The following XKR9 variants were observed in gnomAD, a reference collection of about 807,000 sequenced individuals.
The protein encoded by XKR9 is XK-related protein 9.
Under a neutral mutation model 32.0 loss-of-function variants are expected in XKR9, and 32 were observed. The ratio of observed to expected loss-of-function variants is 1.00; its 90% CI spans 0.76 to 1.34. The LOEUF is 1.34. XKR9 is among the 40% of genes most tolerant of loss of function. XKR9 has a pLI of 0.00. For synonymous variants in XKR9, 168 were observed against 143.4 expected (o/e 1.17, Z -1.22); for missense variants, 546 against 429.7 (o/e 1.27, Z -2.39).
At chr8:70,798,268 A>G in the XKR9 span, among the ~76,000 whole-genome samples, 32 of 151,908 alleles carry the variant, frequency 2.1e-4, no homozygotes, top group African/African-American at 6.8e-4. Context: ...GTGAGGTAGT[A>G]TCTCATTGTG....
At chr8:70,980,563 G>C in the XKR9 span, among the ~76,000 whole-genome samples, 1 of 152,196 alleles carries the variant, frequency 6.6e-6, no homozygotes, top group Non-Finnish European at 1.5e-5. Context: ...AACTTGGTTG[G>C]TGAATTCTTA....
At chr8:70,882,389 C>A in the XKR9 span, among the ~76,000 whole-genome samples, 1 of 151,668 alleles carries the variant, frequency 6.6e-6, no homozygotes, top group Non-Finnish European at 1.5e-5. Flanking sequence ...CTTTTCCCCT[C>A]TCCTGTTTCT....
At chr8:70,933,678 C>T in the XKR9 span, among the ~76,000 whole-genome samples, 1 of 151,988 alleles carries the variant, frequency 6.6e-6, no homozygotes, top group Non-Finnish European at 1.5e-5. Context: ...ATGAAGATTC[C>T]TATGCCTAAT....
In XKR9 at chr8:70,734,165, C is replaced by T. The variant is rs1377773884; in HGVS notation, c.863C>T (p.Ser288Phe). The change falls in exon 5 of 5, where the codon TCT (serine) becomes TTT (phenylalanine). Residue 288 changes from serine to phenylalanine, a missense_variant. Ser to Phe is a radical substitution (Grantham distance 155). Transcript: ENST00000408926. Reference protein sequence around the residue: ...IKGQNTKCPMSCYYIVRVLGT... With the variant: ...IKGQNTKCPMFCYYIVRVLGT... ...GGACAGAATACCAAGTGTCCAATGT[C>T]TTGTTATTATATTGTTAGGGTACTG... is the stretch of plus-strand genomic sequence containing the variant. The T allele has an allele frequency of 6.2e-7, 1 of 1,612,902 alleles. No homozygotes were observed. The highest frequency in any genetic ancestry group is 8.5e-7 in the Non-Finnish European group (1 of 1,179,356).
the XKR9 span, among the ~76,000 whole-genome samples, chr8:71,050,292 G>GATATAT: frequency 8.3e-5 from 6 of 71,968 alleles, no homozygotes; most frequent in Non-Finnish European, 1.4e-4. Context: ...TATAGATATA[G>GATATAT]ATATATATAT....
At chr8:70,750,147 T>C (rs1228569201) in intron 2 of XKR9, among the ~76,000 whole-genome samples, 1 of 152,204 alleles carries the variant, frequency 6.6e-6, no homozygotes, top group African/African-American at 2.4e-5. Context: ...GCTTTAAGGT[T>C]AAACAATGGT....
chr8:71,054,083 T>C, the XKR9 span, among the ~76,000 whole-genome samples: 1 of 152,126 alleles, frequency 6.6e-6, no homozygotes, highest in Non-Finnish European at 1.5e-5. Flanking sequence ...CCAATCAGCA[T>C]CACATGGAGC....
the XKR9 span, among the ~76,000 whole-genome samples, chr8:70,903,975 C>T: frequency 6.6e-6 from 1 of 152,040 alleles, no homozygotes. Flanking sequence ...ATCCTGAGTT[C>T]TAATTTGATT....
At chr8:70,962,512 C>A in the XKR9 span, among the ~76,000 whole-genome samples, 1 of 152,312 alleles carries the variant, frequency 6.6e-6, no homozygotes, top group East Asian at 1.9e-4. Flanking sequence ...TCTCCAACTG[C>A]ATTCACGCTG....
At chr8:70,939,532 C>T in the XKR9 span, among the ~76,000 whole-genome samples, 1 of 152,012 alleles carries the variant, frequency 6.6e-6, no homozygotes, top group African/African-American at 2.4e-5. Flanking sequence ...TTAGAAAATC[C>T]TGTATCTTCA....
chr8:71,009,070 T>C, the XKR9 span, among the ~76,000 whole-genome samples: 1 of 151,856 alleles, frequency 6.6e-6, no homozygotes, highest in African/African-American at 2.4e-5. Context: ...AGCTTAGATA[T>C]TGGGAGAGAA....
chr8:70,892,393 T>C, the XKR9 span, among the ~76,000 whole-genome samples: 35 of 152,292 alleles, frequency 2.3e-4, no homozygotes, highest in South Asian at 7.2e-3. Flanking sequence ...TAAGTTTTGA[T>C]TATTTTCTTT....
chr8:70,743,288 T>C (rs1228540343), intron 2 of XKR9, among the ~76,000 whole-genome samples: 1 of 152,332 alleles, frequency 6.6e-6, no homozygotes, highest in East Asian at 1.9e-4. Flanking sequence ...TGTATTTTTA[T>C]ATATCATAAG....
At chr8:70,956,037 T>C in the XKR9 span, among the ~76,000 whole-genome samples, 1 of 152,222 alleles carries the variant, frequency 6.6e-6, no homozygotes, top group South Asian at 2.1e-4. Flanking sequence ...CCCCTGGGTC[T>C]GAGCTCCCCA....
chr8:70,791,461 G>C (rs1347124042), downstream of XKR9, among the ~76,000 whole-genome samples: 2 of 152,116 alleles, frequency 1.3e-5, no homozygotes, highest in Non-Finnish European at 2.9e-5. Context: ...ATAATATTAA[G>C]AAGTAGGACT....
At chr8:70,897,377 T>A in the XKR9 span, among the ~76,000 whole-genome samples, 1 of 152,312 alleles carries the variant, frequency 6.6e-6, no homozygotes, top group Non-Finnish European at 1.5e-5. Flanking sequence ...GTATACTGAT[T>A]TCCTTTCTTT....
At chr8:70,733,451 T>C (rs557883464) in intron 4 of XKR9, among the ~76,000 whole-genome samples, 62 of 152,226 alleles carry the variant, frequency 4.1e-4, no homozygotes, top group African/African-American at 1.5e-3. Context: ...TCACAGAGTA[T>C]GCTTTTTTCA....
At chr8:70,887,887 C>T in the XKR9 span, among the ~76,000 whole-genome samples, 1 of 152,186 alleles carries the variant, frequency 6.6e-6, no homozygotes, top group Admixed American at 6.5e-5. Context: ...AATTTGACTT[C>T]CTCTCTTCCT....
At chr8:70,839,486 A>G in the XKR9 span, among the ~76,000 whole-genome samples, 1 of 152,182 alleles carries the variant, frequency 6.6e-6, no homozygotes, top group Non-Finnish European at 1.5e-5. Context: ...TCTCAAACAT[A>G]GCCGCCAACA....
Sources: gnomAD v4.1 joint callset for allele counts (sites outside exome capture counted in the v4.1 genomes callset) on GRCh38, gnomAD v4.1.1 for gene constraint, MANE v1.5 for transcripts, NCBI Gene and HGNC (gene_info 2026-07-23, HGNC 2026-07-21) for gene names.